The following GTF3C3 variants were observed in gnomAD, a reference collection of about 807,000 sequenced individuals.
The protein encoded by GTF3C3 is general transcription factor 3C polypeptide 3.
A neutral mutation model predicts 105.2 loss-of-function variants in GTF3C3; 75 were observed. That is an observed-to-expected ratio of 0.71 (90% CI 0.59 to 0.86). GTF3C3 has a LOEUF of 0.86. GTF3C3 is among the 40% of genes least tolerant of loss of function. The pLI is 0.00. For synonymous variants in GTF3C3, 335 were observed against 370.4 expected (o/e 0.90, Z 1.10); for missense variants, 856 against 1,076.5 (o/e 0.80, Z 2.87).
At chr2:196,769,835 C>G in intron 16 of GTF3C3, 80 bp downstream of exon 16, 1 of 1,212,778 alleles carries the variant, frequency 8.2e-7, no homozygotes, top group Non-Finnish European at 1.2e-6. Context: ...ACTTTTGAAG[C>G]AGGATTTTTA....
intron 6 of GTF3C3, among the ~76,000 whole-genome samples, chr2:196,788,285 T>C (rs1298755640): frequency 6.6e-6 from 1 of 152,270 alleles, no homozygotes; most frequent in African/African-American, 2.4e-5. Flanking sequence ...TCACCCCTAA[T>C]GTACCCTGAT....
chr2:196,780,894 C>T (rs1699338926), intron 8 of GTF3C3: 2 of 353,408 alleles, frequency 5.7e-6, no homozygotes, highest in Admixed American at 4.5e-5. Flanking sequence ...ACTTTCACAC[C>T]TTCTACTAAA....
intron 2 of GTF3C3, among the ~76,000 whole-genome samples, chr2:196,794,570 G>T (rs1373961914): frequency 6.6e-6 from 1 of 151,640 alleles, no homozygotes; most frequent in African/African-American, 2.4e-5. Context: ...GGGGTAGCTG[G>T]GATTACAGGC....
At chr2:196,770,224 G>C (rs1039885501) in intron 15 of GTF3C3, among the ~76,000 whole-genome samples, 185 bp from the exon 16 acceptor site, 1 of 152,164 alleles carries the variant, frequency 6.6e-6, no homozygotes, top group Non-Finnish European at 1.5e-5. Flanking sequence ...AGTTCCCCAT[G>C]AATGTATGCT....
rs1559298615 is a variant in GTF3C3 at position 196,773,056 on chromosome 2, T to C, written c.1929A>G (p.Gln643=). ...IYSLCDLSRF[Q]EAELLVDSSL... is the part of the protein sequence containing the mutation. ...AGGAATCTACAAGCAACTCAGCCTC[T>C]TGAAATCGGGATAGGTCACATAAGG... is the stretch of plus-strand genomic sequence containing the variant. The change falls in exon 14 of 18, where the codon CAA becomes CAG. Residue 643 remains glutamine (Q), a synonymous_variant. Transcript: ENST00000263956. 2 of 1,613,088 alleles carry C rather than the reference T, an allele frequency of 1.2e-6. No homozygotes were observed. Among genetic ancestry groups the C allele is most frequent in the South Asian group, 1.1e-5 (1 of 91,042 alleles).
At chr2:196,777,040 G>C (rs1699271717) in intron 10 of GTF3C3, among the ~76,000 whole-genome samples, 1 of 152,286 alleles carries the variant, frequency 6.6e-6, no homozygotes, top group South Asian at 2.1e-4. Context: ...CGGCAGACCA[G>C]TGTAACCCAC....
chr2:196,796,614 A>T (rs967382821), intron 2 of GTF3C3, among the ~76,000 whole-genome samples: 1 of 152,092 alleles, frequency 6.6e-6, no homozygotes, highest in Non-Finnish European at 1.5e-5. Flanking sequence ...CATCACCTAG[A>T]TATTAAGCCC....
intron 1 of GTF3C3, 81 bp from the exon 2 acceptor site, chr2:196,797,989 C>T: frequency 1.2e-6 from 1 of 813,914 alleles, no homozygotes. Flanking sequence ...TGGTTCTAGT[C>T]CTAGCTTTGC....
In GTF3C3 at chr2:196,770,012, T is replaced by C. The variant is rs974734953; in HGVS notation, c.2288A>G (p.His763Arg). 6.4e-7 allele frequency: 1 copy of C among 1,573,914 alleles called. No individual in the cohort carries two copies. Among genetic ancestry groups the C allele is most frequent in the African/African-American group, 1.4e-5 (1 of 71,904 alleles). The change falls in exon 16 of 18, where the codon CAC (histidine) becomes CGC (arginine). Residue 763 changes from histidine (H) to arginine (R), a missense_variant. Physicochemically the swap from His to Arg is conservative, Grantham distance 29. Transcript: ENST00000263956. ...GAAGCTATAGAGAGGTTCGTCAGGG[T>C]GAGTGCGAAAGGCTTGCACATACTG... is the stretch of plus-strand genomic sequence containing the variant. Reference protein sequence around the residue: ...LGQYVQAFRTHPDEPLYSFCI... With the variant: ...LGQYVQAFRTRPDEPLYSFCI...
intron 1 of GTF3C3, among the ~76,000 whole-genome samples, chr2:196,798,765 G>C (rs1699694452): frequency 6.6e-6 from 1 of 150,712 alleles, no homozygotes; most frequent in Admixed American, 6.6e-5. Context: ...GGGAGGCTGA[G>C]GCAGGAGAAT....
intron 6 of GTF3C3, among the ~76,000 whole-genome samples, 190 bp from the exon 7 acceptor site, chr2:196,785,778 T>A (rs1699444528): frequency 6.6e-6 from 1 of 152,172 alleles, no homozygotes; most frequent in African/African-American, 2.4e-5. Context: ...AACAGTGTCA[T>A]AATTTCAAGC....
intron 8 of GTF3C3, among the ~76,000 whole-genome samples, chr2:196,782,389 A>G (rs986371079): frequency 2.0e-5 from 3 of 152,254 alleles, no homozygotes; most frequent in African/African-American, 7.2e-5. Flanking sequence ...GTTCAATAAA[A>G]TATATCTACG....
chr2:196,792,016 A>G (rs1576035841), intron 3 of GTF3C3: 1 of 152,168 alleles, frequency 6.6e-6, no homozygotes, highest in Non-Finnish European at 1.5e-5. Flanking sequence ...ACTAATTAGA[A>G]TAATAACAAA....
In GTF3C3 at chr2:196,773,017, G is replaced by A. The variant is rs1699201333; in HGVS notation, c.1968C>T (p.Tyr656=). The change falls in exon 14 of 18, where the codon TAC becomes TAT. Residue 656 remains tyrosine (Y), a synonymous_variant. Coordinates refer to ENST00000263956, the MANE Select transcript of GTF3C3 (RefSeq NM_012086.5). Reference sequence around the variant, plus strand: ...GTTTTTGCCTGTCATCATAAAATGAGTAATATTCCAATGAGGAATCTACAA... The same window carrying A: ...GTTTTTGCCTGTCATCATAAAATGAATAATATTCCAATGAGGAATCTACAA... ...ELLVDSSLEY[Y]SFYDDRQKRK... The A allele has an allele frequency of 2.5e-6, 4 of 1,612,194 alleles. No homozygotes were observed. The highest frequency in any genetic ancestry group is 3.4e-6 in the Non-Finnish European group (4 of 1,178,366).
In GTF3C3 at chr2:196,766,665, G is replaced by A; in HGVS notation, c.2438C>T (p.Ser813Leu). ...YLSLRGPCQESFYNLGRGLHQ... is the reference protein window; with the variant it reads ...YLSLRGPCQELFYNLGRGLHQ... ...AAGGCCACGGCCCAAATTGTAGAAT[G>A]ATTCCTGGCAGGGCCCACGTAAACT... is the stretch of plus-strand genomic sequence containing the variant. The change falls in exon 17 of 18, where the codon TCA becomes TTA. Residue 813 changes from serine to leucine, a missense_variant. Physicochemically the swap from Ser to Leu is moderately radical, Grantham distance 145. This residue lies in a region of GTF3C3 where 134 missense variants were observed against 128.9 expected (regional missense o/e 1.04). Transcript: ENST00000263956. The A allele has an allele frequency of 6.2e-7, 1 of 1,613,620 alleles. No homozygotes were observed. The highest frequency in any genetic ancestry group is 8.5e-7 in the Non-Finnish European group (1 of 1,179,580).
chr2:196,779,125 T>G, intron 9 of GTF3C3, 58 bp from the exon 10 acceptor site: 9 of 1,193,658 alleles, frequency 7.5e-6, no homozygotes, highest in Non-Finnish European at 9.7e-6. Flanking sequence ...CACATCTATC[T>G]ATAGCTTTTT....
At chr2:196,778,776 T>C (rs1440095523) in intron 10 of GTF3C3, 120 bp downstream of exon 10, 4 of 863,374 alleles carry the variant, frequency 4.6e-6, no homozygotes, top group Admixed American at 2.0e-5. Context: ...AATACTGACT[T>C]TCAAAAAACT....
intron 1 of GTF3C3, among the ~76,000 whole-genome samples, chr2:196,798,985 T>A (rs950499270): frequency 6.6e-6 from 1 of 152,010 alleles, no homozygotes; most frequent in African/African-American, 2.4e-5. Context: ...TATTTCTAAG[T>A]ATGGGGAAAA....
rs752591538 is a variant in GTF3C3 at position 196,797,866 on chromosome 2, C to T, written c.145G>A (p.Asp49Asn). 3 of 1,612,376 alleles carry T rather than the reference C, an allele frequency of 1.9e-6. No homozygotes were observed. The highest frequency in any genetic ancestry group is 1.7e-6 in the Non-Finnish European group (2 of 1,178,424). ...GATGATGATGGAACTTCAGAGTCAT[C>T]GGGATTTTCTTCAGCTGATAACTTG... Reference protein sequence around the residue: ...KGKLSAEENPDDSEVPSSSGI... With the variant: ...KGKLSAEENPNDSEVPSSSGI... Residue 49 changes from aspartate (D) to asparagine (N), a missense_variant, in exon 2 of 18, where the codon GAT becomes AAT. Physicochemically the swap from Asp to Asn is conservative, Grantham distance 23. Transcript: ENST00000263956.
Sources: gnomAD v4.1 joint callset for allele counts (sites outside exome capture counted in the v4.1 genomes callset) on GRCh38, gnomAD v4.1.1 for gene constraint, gnomAD v4.1.1 regional missense constraint, MANE v1.5 for transcripts, NCBI Gene and HGNC (gene_info 2026-07-23, HGNC 2026-07-21) for gene names.